The following ESRRG variants were observed in gnomAD, a reference collection of about 807,000 sequenced individuals.
ESRRG encodes the protein estrogen-related receptor gamma.
A neutral mutation model predicts 44.0 loss-of-function variants in ESRRG; 13 were observed. That is an observed-to-expected ratio of 0.30 (90% CI 0.19 to 0.47). The LOEUF (loss-of-function observed/expected upper bound fraction) is 0.47. Ranked by LOEUF, ESRRG falls within the 20% of genes least tolerant of loss-of-function variation. The probability of loss-of-function intolerance (pLI) is 1.00; values close to 1 mark genes in which losing one functional copy is unlikely to be tolerated. For synonymous variants in ESRRG, 215 were observed against 214.6 expected, an observed-to-expected ratio of 1.00 and a Z score of -0.02; for missense variants, 395 against 580.6, an observed-to-expected ratio of 0.68 and a Z score of 3.29.
rs140393595 is a variant in ESRRG, at chr1:217,127,582, C to G, written c.-230+10085G>C. ...TCTGAAATCCCTGGATTATTTTATT[C>G]TAAGCAACATAATGTGGTAAGTAAC... On this transcript the variant is annotated intron_variant, in intron 1 of 8. Transcript: ENST00000366940. Among the ~76,000 whole-genome samples, 729 of 152,218 alleles carry G rather than the reference C, an allele frequency of 4.8e-3. 10 individuals carry two copies. Among genetic ancestry groups the G allele is most frequent in the African/African-American group, 0.017 (715 of 41,526 alleles).
intron 5 of ESRRG, among the ~76,000 whole-genome samples, chr1:216,520,449 CA>C (rs572174123): frequency 2.0e-5 from 3 of 151,504 alleles, no homozygotes; most frequent in African/African-American, 2.4e-5. Context: ...AAAACATATG[CA>C]AAAAAATTAA....
At chr1:217,033,061 A>T (rs929406757) in intron 1 of ESRRG, among the ~76,000 whole-genome samples, 1 of 152,198 alleles carries the variant, frequency 6.6e-6, no homozygotes, top group African/African-American at 2.4e-5. Flanking sequence ...TCCTTTATTT[A>T]TATTAGAAAG....
At chr1:216,869,077 T>C (rs2096219818) in intron 2 of ESRRG, among the ~76,000 whole-genome samples, 2 of 152,168 alleles carry the variant, frequency 1.3e-5, no homozygotes, top group African/African-American at 4.8e-5. Context: ...GGAGACCAAT[T>C]TATCAATTTT....
At chr1:216,959,286 T>C (rs900707902) in intron 1 of ESRRG, among the ~76,000 whole-genome samples, 2 of 152,078 alleles carry the variant, frequency 1.3e-5, no homozygotes, top group African/African-American at 4.8e-5. Context: ...CAACTTAAAG[T>C]CATAACATTT....
chr1:216,876,694 A>G (rs1024037621), intron 2 of ESRRG, among the ~76,000 whole-genome samples: 3 of 151,872 alleles, frequency 2.0e-5, no homozygotes, highest in African/African-American at 7.2e-5. Flanking sequence ...TATGGTCAGT[A>G]TTATTCATAG....
intron 5 of ESRRG, among the ~76,000 whole-genome samples, chr1:216,531,992 T>C (rs1421955418): frequency 2.0e-5 from 3 of 151,948 alleles, no homozygotes; most frequent in Non-Finnish European, 2.9e-5. Context: ...AGGAAATACG[T>C]GAAGGAAAAT....
intron 2 of ESRRG, among the ~76,000 whole-genome samples, chr1:216,744,711 C>G (rs367784419): frequency 1.3e-5 from 2 of 152,184 alleles, no homozygotes; most frequent in African/African-American, 4.8e-5. Context: ...TGAGTAGTCT[C>G]TTTTTGGCTA....
chr1:216,922,330 C>T (rs1005636060), intron 2 of ESRRG, among the ~76,000 whole-genome samples: 1 of 152,202 alleles, frequency 6.6e-6, no homozygotes, highest in Non-Finnish European at 1.5e-5. Flanking sequence ...AACTTTCAGC[C>T]AGCACTCCCA....
chr1:216,915,063 T>G (rs189895723), intron 2 of ESRRG, among the ~76,000 whole-genome samples: 7 of 152,300 alleles, frequency 4.6e-5, no homozygotes, highest in Admixed American at 3.9e-4. Context: ...ATTTCCAAAT[T>G]TCTCCCTCAA....
At chr1:217,021,049 TACACACAC>T (rs10655764) in intron 1 of ESRRG, among the ~76,000 whole-genome samples, 36 of 145,436 alleles carry the variant, frequency 2.5e-4, no homozygotes, top group South Asian at 6.7e-4. Flanking sequence ...CTGCCATGCA[TACACACAC>T]ACACACACAC....
At chr1:216,726,838 A>G (rs1363764136), upstream of ESRRG, among the ~76,000 whole-genome samples, 1 of 152,204 alleles carries the variant, frequency 6.6e-6, no homozygotes, top group Admixed American at 6.5e-5. Flanking sequence ...CAGAGAATAT[A>G]CTTCATTTCT....
chr1:216,843,180 T>A (rs1041607886), intron 2 of ESRRG, among the ~76,000 whole-genome samples: 6 of 151,976 alleles, frequency 3.9e-5, no homozygotes, highest in Non-Finnish European at 7.4e-5. Flanking sequence ...TTTACAATAC[T>A]GTCCCAAGAA....
intron 4 of ESRRG, 119 bp downstream of exon 4, chr1:216,567,869 C>T: frequency 1.5e-6 from 1 of 648,274 alleles, no homozygotes; most frequent in Non-Finnish European, 2.8e-6. Flanking sequence ...AGCCACTGTT[C>T]TCCAACAAAG....
intron 2 of ESRRG, among the ~76,000 whole-genome samples, chr1:216,662,189 T>C (rs1405344692): frequency 1.3e-5 from 2 of 152,098 alleles, no homozygotes; most frequent in Non-Finnish European, 2.9e-5. Context: ...TAAGAGGGAC[T>C]CAAGAAGTGC....
At chr1:216,766,748 T>C (rs564022712) in intron 2 of ESRRG, among the ~76,000 whole-genome samples, 34 of 152,228 alleles carry the variant, frequency 2.2e-4, no homozygotes, top group African/African-American at 7.7e-4. Flanking sequence ...CCAGCATTTA[T>C]ATAAAAAGAA....
At chr1:216,578,707 A>G (rs1315613394) in intron 3 of ESRRG, among the ~76,000 whole-genome samples, 1 of 152,144 alleles carries the variant, frequency 6.6e-6, no homozygotes, top group Non-Finnish European at 1.5e-5. Flanking sequence ...TCATGAGGAA[A>G]GTTAGCAAAG....
At chr1:217,057,627 A>T (rs1270753398) in intron 1 of ESRRG, among the ~76,000 whole-genome samples, 2 of 152,130 alleles carry the variant, frequency 1.3e-5, no homozygotes, top group East Asian at 1.9e-4. Context: ...GAAAAAAATA[A>T]ACAGAACAGA....
At chr1:216,716,512 T>C (rs1277713703) in intron 1 of ESRRG, among the ~76,000 whole-genome samples, 6 of 151,938 alleles carry the variant, frequency 3.9e-5, no homozygotes, top group African/African-American at 1.4e-4. Flanking sequence ...TGCCCAATAT[T>C]AATTTGTTTT....
At chr1:216,763,477 G>A (rs1166592968) in intron 2 of ESRRG, among the ~76,000 whole-genome samples, 2 of 152,066 alleles carry the variant, frequency 1.3e-5, no homozygotes, top group African/African-American at 4.8e-5. Context: ...AAGTGGGAGA[G>A]GGAGTGTGAG....
Sources: gnomAD v4.1 joint callset for allele counts (sites outside exome capture counted in the v4.1 genomes callset) on GRCh38, gnomAD v4.1.1 for gene constraint, MANE v1.5 for transcripts, NCBI Gene and HGNC (gene_info 2026-07-23, HGNC 2026-07-21) for gene names.